Variants in PHF11 observed in about 807,000 individuals in gnomAD.
The protein encoded by PHF11 is PHD finger protein 11.
A neutral mutation model predicts 40.5 loss-of-function variants in PHF11; 38 were observed. The ratio of observed to expected loss-of-function variants is 0.94; its 90% confidence interval spans 0.72 to 1.23. The LOEUF (loss-of-function observed/expected upper bound fraction) is 1.23, where lower values mean the gene tolerates loss of function less well. Ranked by LOEUF, PHF11 falls within the 50% of genes most tolerant of loss-of-function variation. The pLI is 0.00. For synonymous variants in PHF11, 127 were observed against 138.2 expected, an observed-to-expected ratio of 0.92 and a Z score of 0.57; for missense variants, 369 against 392.4, an observed-to-expected ratio of 0.94 and a Z score of 0.50.
intron 1 of PHF11, among the ~76,000 whole-genome samples, chr13:49,501,720 C>T (rs1272864805): frequency 6.6e-6 from 1 of 151,950 alleles, no homozygotes; most frequent in African/African-American, 2.4e-5. Context: ...TGAGGAGTTT[C>T]GCCCTTGTCG....
chr13:49,502,889 A>AT (rs1004116159), intron 1 of PHF11, among the ~76,000 whole-genome samples: 19 of 147,480 alleles, frequency 1.3e-4, no homozygotes, highest in Non-Finnish European at 1.5e-4. Context: ...CGCCTAGCTA[A>AT]TTTTTTTTTT....
chr13:49,502,945 C>G (rs1958930011), intron 1 of PHF11, among the ~76,000 whole-genome samples: 1 of 152,024 alleles, frequency 6.6e-6, no homozygotes, highest in South Asian at 2.1e-4. Flanking sequence ...AGGATGGTCT[C>G]GATCTCCTGA....
At chr13:49,522,178 C>T in intron 6 of PHF11, 71 bp downstream of exon 6, 1 of 759,042 alleles carries the variant, frequency 1.3e-6, no homozygotes, top group Non-Finnish European at 2.3e-6. Flanking sequence ...GTCTGAATGT[C>T]AGGTGAAAGG....
chr13:49,498,789 C>T, intron 1 of PHF11, among the ~76,000 whole-genome samples: 1 of 152,238 alleles, frequency 6.6e-6, no homozygotes, highest in East Asian at 1.9e-4. Flanking sequence ...CCACCTTCCA[C>T]ACCGCTGCCA....
chr13:49,516,078 C>T (rs1367269360), intron 3 of PHF11, among the ~76,000 whole-genome samples: 3 of 152,244 alleles, frequency 2.0e-5, no homozygotes, highest in Admixed American at 6.5e-5. Context: ...GGAGCTCTTA[C>T]TATTATTCAG....
chr13:49,515,884 C>T (rs1288441757), intron 3 of PHF11, among the ~76,000 whole-genome samples: 3 of 152,170 alleles, frequency 2.0e-5, no homozygotes, highest in East Asian at 3.8e-4. Flanking sequence ...GTAAGTCCTA[C>T]GTGACCCAGC....
At chr13:49,512,988 G>T in intron 2 of PHF11, 71 bp from the exon 3 acceptor site, 1 of 768,884 alleles carries the variant, frequency 1.3e-6, no homozygotes, top group Non-Finnish European at 2.2e-6. Context: ...TCCACTTTTG[G>T]TATGATTTTC....
intron 7 of PHF11, 76 bp downstream of exon 7, chr13:49,523,317 T>TTATTACATATATTA: frequency 1.1e-6 from 1 of 931,874 alleles, no homozygotes; most frequent in Non-Finnish European, 1.7e-6. Context: ...GTTTCAAACT[T>TTATTACATATATTA]GGTATCCCGC....
rs1959177379 is a variant in PHF11, at chr13:49,519,448, AAC to A, written c.458+1299_458+1300del. 3.9e-5 allele frequency among the ~76,000 whole-genome samples: 6 copies of A among 152,234 alleles called. No homozygotes were observed. The South Asian group carries it at 1.2e-3, about 32-fold the overall frequency. ...GAACTAACAAATAGGGACTCAATAAAACAGTCTTCTTGCATTGTTTTATCAAG... is the reference window on the plus strand; with the variant it reads ...GAACTAACAAATAGGGACTCAATAAAAGTCTTCTTGCATTGTTTTATCAAG... On this transcript the variant is annotated intron_variant, in intron 4 of 9. Coordinates refer to ENST00000378319, the MANE Select transcript of PHF11 (RefSeq NM_001040443.3).
chr13:49,513,556 C>T (rs1014400284), intron 3 of PHF11, among the ~76,000 whole-genome samples: 1 of 152,040 alleles, frequency 6.6e-6, no homozygotes, highest in East Asian at 1.9e-4. Flanking sequence ...GTCGCGAACT[C>T]CTGACCTCAG....
At chr13:49,510,348 G>T (rs1959066709) in intron 2 of PHF11, among the ~76,000 whole-genome samples, 1 of 152,028 alleles carries the variant, frequency 6.6e-6, no homozygotes, top group South Asian at 2.1e-4. Context: ...TATAACAAAA[G>T]ATTTTAGCTC....
chr13:49,502,281 G>A (rs535386179), intron 1 of PHF11, among the ~76,000 whole-genome samples: 48 of 152,200 alleles, frequency 3.2e-4, no homozygotes, highest in African/African-American at 1.2e-3. Context: ...AAGCTTGGGT[G>A]ACAGGGCAAG....
chr13:49,497,961 C>T (rs927122677), intron 1 of PHF11, among the ~76,000 whole-genome samples: 2 of 152,186 alleles, frequency 1.3e-5, no homozygotes, highest in African/African-American at 4.8e-5. Context: ...CTTGCCTGCC[C>T]ATCCTGTCTA....
intron 9 of PHF11, 38 bp from the exon 10 acceptor site, chr13:49,528,473 T>C (rs1959404706): frequency 1.4e-6 from 2 of 1,404,530 alleles, no homozygotes; most frequent in Non-Finnish European, 2.0e-6. Flanking sequence ...ATAAAACTAC[T>C]GAATAAGCTG....
At chr13:49,528,303 T>A (rs576318798) in intron 9 of PHF11, among the ~76,000 whole-genome samples, 2 of 152,188 alleles carry the variant, frequency 1.3e-5, no homozygotes, top group Non-Finnish European at 2.9e-5. Flanking sequence ...GCTTTGTGTA[T>A]GATAAATGTT....
At chr13:49,500,444 AG>A (rs1958884206) in intron 1 of PHF11, among the ~76,000 whole-genome samples, 1 of 152,244 alleles carries the variant, frequency 6.6e-6, no homozygotes, top group Admixed American at 6.5e-5. Context: ...GATAACACAT[AG>A]CAAGAGTTCA....
In PHF11 at chr13:49,512,805, A is replaced by T. The variant is rs1391264879; in HGVS notation, c.217-254A>T. On this transcript the variant is annotated intron_variant, in intron 2 of 9. Transcript: ENST00000378319. The stretch of plus-strand genomic sequence containing the variant: ...GGGGATCAGACTGACCCAGCTTGGC[A>T]TCAGGGTTCCACCCAGGTCAATGAG... 2.6e-5 allele frequency among the ~76,000 whole-genome samples: 4 copies of T among 152,182 alleles called. No homozygotes were observed. In the South Asian group the frequency reaches 8.3e-4, roughly 32 times the overall value.
At chr13:49,504,429 CTGAG>C (rs1425674090) in intron 1 of PHF11, among the ~76,000 whole-genome samples, 4 of 152,070 alleles carry the variant, frequency 2.6e-5, no homozygotes, top group Non-Finnish European at 4.4e-5. Flanking sequence ...GCACTCCAAC[CTGAG>C]TGACAGAGCG....
chr13:49,497,178 G>C (rs897555947), intron 1 of PHF11: 1 of 1,289,556 alleles, frequency 7.8e-7, no homozygotes, highest in East Asian at 5.5e-5. Flanking sequence ...AAGCCAATCA[G>C]TTGGATATTT....
Sources: allele counts gnomAD v4.1 joint callset (sites outside exome capture counted in the v4.1 genomes callset), GRCh38; gene constraint gnomAD v4.1.1; transcripts MANE v1.5; gene names NCBI Gene and HGNC (gene_info 2026-07-23, HGNC 2026-07-21).